NRG1: variants seen among roughly 807,000 people sequenced by gnomAD.
The protein encoded by NRG1 is neuregulin 1, also known as pro-neuregulin-1, membrane-bound isoform.
A neutral mutation model predicts 63.8 loss-of-function variants in NRG1; 18 were observed. The ratio of observed to expected loss-of-function variants is 0.28; its 90% CI spans 0.19 to 0.42. The LOEUF is 0.42. NRG1 is among the 10% of genes least tolerant of loss of function. The pLI is 1.00. For missense variants in NRG1, 762 were observed against 814.7 expected, an observed-to-expected ratio of 0.94 and a Z score of 0.79; for synonymous variants, 302 against 301.3, an observed-to-expected ratio of 1.00 and a Z score of -0.02.
At chr8:32,516,690 A>G (rs938256076) in intron 1 of NRG1, among the ~76,000 whole-genome samples, 1 of 152,060 alleles carries the variant, frequency 6.6e-6, no homozygotes, top group Non-Finnish European at 1.5e-5. Context: ...TTGTGTGGCT[A>G]TTATAAATGG....
At chr8:32,101,388 C>T (rs1275561018) in intron 1 of NRG1, among the ~76,000 whole-genome samples, 1 of 151,442 alleles carries the variant, frequency 6.6e-6, no homozygotes, top group African/African-American at 2.4e-5. Context: ...TAGGAAACAA[C>T]TATGAGGAAT....
intron 1 of NRG1, among the ~76,000 whole-genome samples, chr8:32,503,496 T>C (rs1182042796): frequency 6.6e-6 from 1 of 152,092 alleles, no homozygotes; most frequent in East Asian, 1.9e-4. Context: ...ACAGTTATTG[T>C]TGAAATAAAG....
Position 32,470,003 on chromosome 8 carries a change from G to A in NRG1, c.38-125825G>A, listed in dbSNP as rs868248318. Among the ~76,000 whole-genome samples the A allele has an allele frequency of 2.4e-3, 353 of 149,972 alleles. 3 individuals carry two copies. Among genetic ancestry groups the A allele is most frequent in the African/African-American group, 8.1e-3 (332 of 40,904 alleles). ...CTCCCGAGTAGCTGGGATTACAGGC[G>A]CCAGCCACAACGCCCACGCCCAGCT... On this transcript the variant is annotated intron_variant, in intron 1 of 10. Coordinates refer to the NRG1 transcript ENST00000519301.
At chr8:32,576,236 C>G (rs951257406) in intron 1 of NRG1, among the ~76,000 whole-genome samples, 3 of 152,142 alleles carry the variant, frequency 2.0e-5, no homozygotes, top group African/African-American at 7.2e-5. Flanking sequence ...AGAGAATAGT[C>G]CATCTCACAT....
chr8:32,390,515 A>G (rs1587311960), intron 1 of NRG1, among the ~76,000 whole-genome samples: 1 of 147,804 alleles, frequency 6.8e-6, no homozygotes, highest in Non-Finnish European at 1.5e-5. Flanking sequence ...AGGTGGGAGG[A>G]TTGCTTGAGC....
At chr8:32,170,056 T>C (rs1839861425) in intron 1 of NRG1, among the ~76,000 whole-genome samples, 2 of 152,174 alleles carry the variant, frequency 1.3e-5, no homozygotes, top group South Asian at 4.1e-4. Flanking sequence ...AGCCAAGGAA[T>C]GCCTGAGGTT....
chr8:31,645,645 T>C (rs745945327), intron 1 of NRG1, among the ~76,000 whole-genome samples: 31 of 152,172 alleles, frequency 2.0e-4, no homozygotes, highest in Admixed American at 1.7e-3. Flanking sequence ...TAGAGAGAGA[T>C]GCATATGTGG....
At chr8:32,186,130 G>A (rs1841938140) in intron 1 of NRG1, among the ~76,000 whole-genome samples, 1 of 152,136 alleles carries the variant, frequency 6.6e-6, no homozygotes, top group Non-Finnish European at 1.5e-5. Flanking sequence ...ATTTGGCCTA[G>A]CTATTATGTA....
At chr8:32,761,963 C>T (rs1033727472) in intron 11 of NRG1, among the ~76,000 whole-genome samples, 4 of 141,944 alleles carry the variant, frequency 2.8e-5, no homozygotes, top group African/African-American at 1.0e-4. Context: ...TGCTTGAACC[C>T]AGGAGGTGGA....
upstream of NRG1, among the ~76,000 whole-genome samples, chr8:32,544,679 C>CTTTTTTTT (rs755780220): frequency 1.4e-4 from 11 of 80,464 alleles, no homozygotes; most frequent in Admixed American, 3.5e-4. Context: ...ATTTTTGTAT[C>CTTTTTTTT]TTTTTTTTTT....
chr8:32,762,190 T>C (rs1830839704), intron 11 of NRG1, among the ~76,000 whole-genome samples: 1 of 152,056 alleles, frequency 6.6e-6, no homozygotes, highest in Admixed American at 6.5e-5. Context: ...GTAGGCAGGG[T>C]TTAAACTGTT....
At chr8:31,941,248 C>A (rs1801703926) in intron 1 of NRG1, among the ~76,000 whole-genome samples, 1 of 152,054 alleles carries the variant, frequency 6.6e-6, no homozygotes. Flanking sequence ...TTAACATAGG[C>A]AAGTCAATAA....
chr8:31,640,447 G>C lies in NRG1; in HGVS notation c.37+1016G>C, dbSNP rs752510239. On this transcript the variant is annotated intron_variant, in intron 1 of 10. Coordinates refer to the NRG1 transcript ENST00000519301. The surrounding 1 kb of genome is among the most constrained non-coding windows in gnomAD (Gnocchi z 6.3). Reference sequence around the variant, plus strand: ...CCCGGTGCCCAGCGCCGGCGAGCCCGGGGAGGAGGCGCCCTATCTGGTGAA... The same window carrying C: ...CCCGGTGCCCAGCGCCGGCGAGCCCCGGGAGGAGGCGCCCTATCTGGTGAA... The C allele has an allele frequency of 3.9e-6, 6 of 1,547,712 alleles. No homozygotes were observed. The highest frequency in any genetic ancestry group is 5.1e-5 in the East Asian group (2 of 39,228).
intron 7 of NRG1, among the ~76,000 whole-genome samples, chr8:32,743,529 G>C (rs1026775288): frequency 1.6e-4 from 22 of 137,528 alleles, no homozygotes; most frequent in African/African-American, 5.8e-4. Flanking sequence ...ATATATATAT[G>C]TGTGTGCGTG....
At chr8:32,021,890 CT>C (rs1192479519) in intron 1 of NRG1, among the ~76,000 whole-genome samples, 2 of 151,924 alleles carry the variant, frequency 1.3e-5, no homozygotes, top group Non-Finnish European at 2.9e-5. Flanking sequence ...CTTCCTTCTT[CT>C]CTTTTGCTTT....
intron 1 of NRG1, among the ~76,000 whole-genome samples, chr8:31,811,214 T>A (rs1477677961): frequency 1.3e-5 from 2 of 152,200 alleles, no homozygotes; most frequent in Non-Finnish European, 2.9e-5. Flanking sequence ...CTCTTGGCTG[T>A]GTGTATTGCT....
At chr8:32,269,809 C>G (rs1169976487) in intron 1 of NRG1, among the ~76,000 whole-genome samples, 1 of 152,076 alleles carries the variant, frequency 6.6e-6, no homozygotes, top group East Asian at 1.9e-4. Context: ...AGGCAGAAAA[C>G]AGATATTTGT....
intron 1 of NRG1, among the ~76,000 whole-genome samples, chr8:31,669,650 T>G (rs2130989034): frequency 6.6e-6 from 1 of 152,326 alleles, no homozygotes; most frequent in South Asian, 2.1e-4. Flanking sequence ...CTGTGGTTTT[T>G]TGGCATCACC....
intron 1 of NRG1, among the ~76,000 whole-genome samples, chr8:32,166,831 C>A (rs1452321167): frequency 6.6e-6 from 1 of 152,080 alleles, no homozygotes; most frequent in East Asian, 1.9e-4. Context: ...CAGTTTCAGA[C>A]CCATTAAGTT....
Sources: gnomAD v4.1 joint callset for allele counts (sites outside exome capture counted in the v4.1 genomes callset) on GRCh38, gnomAD v4.1.1 for gene constraint, Gnocchi (gnomAD v3.1) non-coding constraint, MANE v1.5 for transcripts, NCBI Gene and HGNC (gene_info 2026-07-23, HGNC 2026-07-21) for gene names.